ZUP1: variants seen among roughly 807,000 people sequenced by gnomAD.
ZUP1 encodes the protein zinc finger containing ubiquitin peptidase 1.
A neutral mutation model predicts 68.1 loss-of-function variants in ZUP1; 55 were observed. That is an observed-to-expected ratio of 0.81 (90% CI 0.65 to 1.01). ZUP1 has a LOEUF of 1.01. ZUP1 is among the 50% of genes least tolerant of loss of function. The probability of loss-of-function intolerance (pLI) is 0.00; values close to 1 mark genes in which losing one functional copy is unlikely to be tolerated. For missense variants in ZUP1, 684 were observed against 674.9 expected (o/e 1.01, Z -0.15); for synonymous variants, 223 against 221.5 (o/e 1.01, Z -0.06).
At chr6:116,643,801 C>A (rs1330484258) in intron 9 of ZUP1, among the ~76,000 whole-genome samples, 1 of 152,160 alleles carries the variant, frequency 6.6e-6, no homozygotes, top group Non-Finnish European at 1.5e-5. Context: ...GTCTAAAACA[C>A]CAAAAGCATT....
At chr6:116,645,613 G>GA (rs1233105194) in intron 9 of ZUP1, 101 bp downstream of exon 9, 27 of 671,576 alleles carry the variant, frequency 4.0e-5, no homozygotes, top group South Asian at 1.2e-4. Context: ...AAAAAGAATA[G>GA]AAAAAAAAGA....
At chr6:116,638,363 TATA>T (rs1445380201) in intron 9 of ZUP1, among the ~76,000 whole-genome samples, 1 of 152,212 alleles carries the variant, frequency 6.6e-6, no homozygotes, top group African/African-American at 2.4e-5. Flanking sequence ...GGAATTTTTC[TATA>T]ATATTACGTT....
chr6:116,644,272 T>C (rs1776216799), intron 9 of ZUP1, among the ~76,000 whole-genome samples: 1 of 152,176 alleles, frequency 6.6e-6, no homozygotes, highest in South Asian at 2.1e-4. Flanking sequence ...ATTGTGGAAG[T>C]CAGTGTGGTG....
rs2114302957 is a variant in ZUP1, at chr6:116,666,801, T to A, written c.392A>T (p.Lys131Ile). ...CAGGCTGGACTGTTTTTCCCTACTT[T>A]TCAGGAATTTTCTAGATTCAGTTAA... Reference protein sequence around the residue: ...ENLTESRKFLKSREKQSSLTE... With the variant: ...ENLTESRKFLISREKQSSLTE... The change falls in exon 2 of 10, where the codon AAA becomes ATA. Residue 131 changes from lysine to isoleucine, a missense_variant. Coordinates refer to ENST00000368576, the MANE Select transcript of ZUP1 (RefSeq NM_145062.3). 6.2e-7 allele frequency: 1 copy of A among 1,613,486 alleles called. No homozygotes were observed. The highest frequency in any genetic ancestry group is 2.2e-5 in the East Asian group (1 of 44,816).
chr6:116,659,072 C>A, intron 3 of ZUP1, 148 bp from the exon 4 acceptor site: 2 of 661,970 alleles, frequency 3.0e-6, no homozygotes, highest in African/African-American at 1.9e-5. Context: ...ACAAATTTAG[C>A]AAAACTTAGA....
At chr6:116,668,355 G>GGT (rs1232626065) in intron 1 of ZUP1, among the ~76,000 whole-genome samples, 1 of 152,194 alleles carries the variant, frequency 6.6e-6, no homozygotes, top group Non-Finnish European at 1.5e-5. Flanking sequence ...AGAGACAAGA[G>GGT]AGTACCCAGG....
Position 116,647,552 on chromosome 6 carries a change from A to G in ZUP1, c.1375T>C (p.Phe459Leu). 1 of 1,601,544 alleles carries G rather than the reference A, an allele frequency of 6.2e-7. No individual in the cohort carries two copies. The highest frequency in any genetic ancestry group is 8.5e-7 in the Non-Finnish European group (1 of 1,171,336). Residue 459 changes from phenylalanine to leucine, a missense_variant, in exon 8 of 10, where the codon TTT (phenylalanine) becomes CTT (leucine). Phe to Leu is a conservative substitution (Grantham distance 22). Coordinates refer to ENST00000368576, the MANE Select transcript of ZUP1 (RefSeq NM_145062.3). ...GAATAATAGTTCAATATCCATTCAA[A>G]TAAGCGAGGGTGTGTACCCAAAGGA... ...TGPLGTHPRL[F>L]EWILNYYSSE...
In ZUP1 at chr6:116,641,329, C is replaced by T. The variant is rs531921655; in HGVS notation, c.1689+4385G>A. Among the ~76,000 whole-genome samples, 641 of 152,260 alleles carry T rather than the reference C, an allele frequency of 4.2e-3. 4 individuals are homozygous for T. Among genetic ancestry groups the T allele is most frequent in the African/African-American group, 0.015 (621 of 41,524 alleles). The stretch of plus-strand genomic sequence containing the variant: ...CCCAGGAATTGAACTAAGCTCTGCA[C>T]CAAGCGGACCTAATAGACATCTACA... On this transcript the variant is annotated intron_variant, in intron 9 of 9. Transcript: ENST00000368576.
chr6:116,648,089 C>T (rs553136569), intron 7 of ZUP1, among the ~76,000 whole-genome samples: 1 of 152,226 alleles, frequency 6.6e-6, no homozygotes, highest in East Asian at 1.9e-4. Flanking sequence ...AATACTTTTC[C>T]TGTCGGTCTC....
chr6:116,649,327 ATCTATC>A (rs1248430188), intron 7 of ZUP1, among the ~76,000 whole-genome samples: 1 of 152,206 alleles, frequency 6.6e-6, no homozygotes, highest in East Asian at 1.9e-4. Context: ...GATCACAGAC[ATCTATC>A]TCTATTTCCT....
rs550593380 is a variant in ZUP1 at position 116,643,176 on chromosome 6, T to G, written c.1689+2538A>C. On this transcript the variant is annotated intron_variant, in intron 9 of 9. Coordinates refer to ENST00000368576, the MANE Select transcript of ZUP1 (RefSeq NM_145062.3). ...AGGAGAACTACAAACCACCGCTCAA[T>G]GAAATAAAAGAGGATACAAACAAAT... Among the ~76,000 whole-genome samples the G allele has an allele frequency of 7.7e-3, 1,166 of 152,006 alleles. 44 individuals carry two copies. Among genetic ancestry groups the G allele is most frequent in the Admixed American group, 0.064 (970 of 15,200 alleles).
intron 9 of ZUP1, among the ~76,000 whole-genome samples, chr6:116,642,941 C>T (rs374469453): frequency 2.6e-5 from 4 of 152,152 alleles, no homozygotes; most frequent in South Asian, 2.1e-4. Flanking sequence ...GAAAACCCCA[C>T]TGTCTCAGCC....
intron 9 of ZUP1, 23 bp downstream of exon 9, chr6:116,645,691 C>A (rs757204762): frequency 6.5e-7 from 1 of 1,527,096 alleles, no homozygotes; most frequent in East Asian, 2.3e-5. Flanking sequence ...TCAAACTTCA[C>A]ATATAAATAT....
Position 116,660,845 on chromosome 6 carries a change from G to A in ZUP1, c.561C>T (p.Asp187=). Residue 187 remains aspartate (D), a splice_region_variant and synonymous_variant, in exon 3 of 10, where the codon GAC becomes GAT. Coordinates refer to ENST00000368576, the MANE Select transcript of ZUP1 (RefSeq NM_145062.3). ...GACAATCATAGAGTGGTTGATCACAGTCTGTATCAGAGATATAATTAAGTT... is the reference window on the plus strand; with the variant it reads ...GACAATCATAGAGTGGTTGATCACAATCTGTATCAGAGATATAATTAAGTT... ...HANLLDIPLE[D]CDQPLYDCPM... The A allele has an allele frequency of 1.4e-6, 2 of 1,463,564 alleles. No individual in the cohort carries two copies. 90.7% of individuals were successfully genotyped at this position (1,463,564 alleles called of 1,614,324 possible).
intron 9 of ZUP1, among the ~76,000 whole-genome samples, chr6:116,644,400 T>G (rs1161042246): frequency 9.2e-5 from 14 of 152,232 alleles, no homozygotes; most frequent in Non-Finnish European, 2.9e-5. Context: ...GTATGTTTAT[T>G]GCTGCACTAT....
intron 7 of ZUP1, 35 bp from the exon 8 acceptor site, chr6:116,647,645 C>G: frequency 2.1e-6 from 3 of 1,428,428 alleles, no homozygotes; most frequent in Non-Finnish European, 2.8e-6. Flanking sequence ...ATTTAAAGGG[C>G]ATTTTAAAAT....
intron 8 of ZUP1, among the ~76,000 whole-genome samples, chr6:116,646,442 C>T (rs1776312236): frequency 6.6e-6 from 1 of 152,168 alleles, no homozygotes; most frequent in Non-Finnish European, 1.5e-5. Flanking sequence ...GGTACTACTC[C>T]AAGCACGAAG....
intron 4 of ZUP1, among the ~76,000 whole-genome samples, chr6:116,657,728 C>T (rs1230846020): frequency 6.6e-6 from 1 of 152,168 alleles, no homozygotes; most frequent in Non-Finnish European, 1.5e-5. Context: ...CACTTTCAAA[C>T]CTATTCAACT....
In ZUP1 at chr6:116,635,729, TAAGAG is replaced by T. The variant is rs973741324; in HGVS notation, c.*98_*102del. 3 of 864,766 alleles carry T rather than the reference TAAGAG, an allele frequency of 3.5e-6. No individual in the cohort carries two copies. In the African/African-American group the frequency reaches 5.3e-5, roughly 15 times the overall value. The allele number at this position is 864,766 out of a possible 1,614,324, so 53.6% of individuals were successfully genotyped here. A position where few individuals can be genotyped will look rare whatever the true frequency, so the allele number is the denominator to read the frequency against. ...AGAAATTAAATTATATGTTAAGACT[TAAGAG>T]AATTCACAGATTCATAATTGTATTA... is the stretch of plus-strand genomic sequence containing the variant. On this transcript the variant is annotated 3_prime_UTR_variant, in exon 10 of 10. Transcript: ENST00000368576.
Sources: allele counts gnomAD v4.1 joint callset (sites outside exome capture counted in the v4.1 genomes callset), GRCh38; gene constraint gnomAD v4.1.1; transcripts MANE v1.5; gene names NCBI Gene and HGNC (gene_info 2026-07-23, HGNC 2026-07-21).